Variants in SLC10A6 observed in about 807,000 individuals in gnomAD.
The protein encoded by SLC10A6 is solute carrier family 10 member 6, also known as sodium-dependent organic anion transporter.
SLC10A6 carries 27 observed loss-of-function variants against 30.0 expected under a neutral mutation model. The observed-to-expected ratio is 0.90, with a 90% CI of 0.66 to 1.24. The LOEUF (loss-of-function observed/expected upper bound fraction) is 1.24. Among genes scored for constraint, SLC10A6 ranks in the 50% most tolerant of loss-of-function variants. The probability of loss-of-function intolerance (pLI) is 0.00; values close to 1 mark genes in which losing one functional copy is unlikely to be tolerated. For missense variants in SLC10A6, 439 were observed against 457.0 expected, an observed-to-expected ratio of 0.96 and a Z score of 0.36; for synonymous variants, 166 against 173.8, an observed-to-expected ratio of 0.95 and a Z score of 0.36.
intron 1 of SLC10A6, among the ~76,000 whole-genome samples, chr4:86,838,709 G>C (rs917555080): frequency 6.6e-5 from 10 of 152,024 alleles, no homozygotes; most frequent in Non-Finnish European, 7.4e-5. Context: ...GATTACCTGA[G>C]GTCAGGAGTT....
intron 1 of SLC10A6, among the ~76,000 whole-genome samples, chr4:86,847,794 T>C (rs1304652457): frequency 1.3e-5 from 2 of 152,214 alleles, no homozygotes; most frequent in African/African-American, 4.8e-5. Flanking sequence ...GAATCTCAAC[T>C]AAATGACATA....
rs1746322792 is a variant in SLC10A6, at chr4:86,842,847, T to TTTCTTTCG, written c.377+5891_377+5892insCGAAAGAA. On this transcript the variant is annotated intron_variant, in intron 1 of 5. Coordinates refer to ENST00000273905, the MANE Select transcript of SLC10A6 (RefSeq NM_197965.3). ...CTTTCTTTCTTTCTTTCTTTCTTTC[T>TTTCTTTCG]TTCTTTCTTTCTTTCTTTCTTTCTT... Among the ~76,000 whole-genome samples, 15 of 53,816 alleles carry TTTCTTTCG rather than the reference T, an allele frequency of 2.8e-4. 3 individuals carry two copies. The highest frequency in any genetic ancestry group is 5.1e-4 in the Non-Finnish European group (15 of 29,600). The allele number at this position is 53,816 out of a possible 152,430, so 35.3% of individuals were successfully genotyped here.
chr4:86,837,296 AGG>A (rs1327913527), intron 1 of SLC10A6, among the ~76,000 whole-genome samples: 82 of 101,608 alleles, frequency 8.1e-4, no homozygotes, highest in African/African-American at 2.2e-3. Flanking sequence ...AAAGAAAGGA[AGG>A]AAGGAAGGAA....
chr4:86,845,458 A>C (rs1404213390), intron 1 of SLC10A6, among the ~76,000 whole-genome samples: 1 of 152,180 alleles, frequency 6.6e-6, no homozygotes, highest in Non-Finnish European at 1.5e-5. Context: ...AAGCCTTTGT[A>C]TGTATAACAT....
intron 4 of SLC10A6, among the ~76,000 whole-genome samples, chr4:86,827,025 C>T (rs1188805208): frequency 1.3e-5 from 2 of 152,124 alleles, no homozygotes; most frequent in Non-Finnish European, 2.9e-5. Flanking sequence ...TCAAACCACC[C>T]TCACTTCTTT....
chr4:86,837,281 A>AAGAAAGGG (rs34533020), intron 1 of SLC10A6, among the ~76,000 whole-genome samples: 1 of 90,378 alleles, frequency 1.1e-5, no homozygotes, highest in African/African-American at 5.1e-5. Flanking sequence ...GAAAGAAAGA[A>AAGAAAGGG]AGAAAAAGAA....
At position 86,833,352 on chromosome 4, in the gene SLC10A6, C is replaced by T. The variant is rs754384648; in HGVS notation, c.450G>A (p.Trp150Ter). ...MMPLCIYLYT[W>*]SWSLQQNLTI... is the part of the protein sequence containing the mutation. Reference sequence around the variant, plus strand: ...TGAGATTCTGCTGAAGACTCCAGGACCAGGTGTAGAGATAAATGCAGAGTG... The same window carrying T: ...TGAGATTCTGCTGAAGACTCCAGGATCAGGTGTAGAGATAAATGCAGAGTG... Residue 150 changes from tryptophan to a stop codon, truncating the protein, a stop_gained, in exon 2 of 6, where the codon TGG (tryptophan) becomes TGA (stop). Coordinates refer to ENST00000273905, the MANE Select transcript of SLC10A6 (RefSeq NM_197965.3). LOFTEE classifies it high-confidence loss of function. 1 of 1,614,046 alleles carries T rather than the reference C, an allele frequency of 6.2e-7. No homozygotes were observed. The highest frequency in any genetic ancestry group is 8.5e-7 in the Non-Finnish European group (1 of 1,179,984).
intron 1 of SLC10A6, among the ~76,000 whole-genome samples, chr4:86,839,154 G>A (rs189210407): frequency 6.6e-6 from 1 of 150,786 alleles, no homozygotes. Context: ...AAAGGAATCA[G>A]ACCAGGTGCA....
At position 86,823,818 on chromosome 4, in the gene SLC10A6, G is replaced by A. The variant is rs774673736; in HGVS notation, c.1004C>T (p.Ser335Leu). The A allele has an allele frequency of 9.0e-5, 145 of 1,614,024 alleles. No homozygotes were observed. Among genetic ancestry groups the A allele is most frequent in the Non-Finnish European group, 1.2e-4 (138 of 1,180,002 alleles). ...GCTEVCHTRK[S>L]TSSRETNAFL... is the part of the protein sequence containing the mutation. ...GGCATTGGTCTCTCTGGAAGAAGTC[G>A]ATTTCCTCGTATGGCAGACTTCTGT... Residue 335 changes from serine (S) to leucine (L), a missense_variant, in exon 6 of 6, where the codon TCG becomes TTG. Ser to Leu is a moderately radical substitution (Grantham distance 145, BLOSUM62 -2). Transcript: ENST00000273905.
chr4:86,837,228 A>G (rs935837045), intron 1 of SLC10A6, among the ~76,000 whole-genome samples: 8 of 63,418 alleles, frequency 1.3e-4, no homozygotes, highest in Non-Finnish European at 2.0e-4. Context: ...AGAGAGAGAG[A>G]AAGAAAGAAA....
chr4:86,824,547 A>G (rs1472600488), intron 5 of SLC10A6, among the ~76,000 whole-genome samples: 1 of 152,038 alleles, frequency 6.6e-6, no homozygotes, highest in Non-Finnish European at 1.5e-5. Flanking sequence ...GCCCAAGATT[A>G]AAATATATAT....
intron 3 of SLC10A6, 107 bp downstream of exon 3, chr4:86,831,685 G>A: frequency 1.2e-6 from 1 of 853,238 alleles, no homozygotes; most frequent in Non-Finnish European, 1.9e-6. Flanking sequence ...GAATTTCTGG[G>A]TGTGGGGCCG....
chr4:86,847,163 G>A lies in SLC10A6; in HGVS notation c.377+1576C>T, dbSNP rs62305605. Among the ~76,000 whole-genome samples, 1,117 of 152,258 alleles carry A rather than the reference G, an allele frequency of 7.3e-3. 8 individuals carry two copies. The highest frequency in any genetic ancestry group is 0.014 in the Middle Eastern group (4 of 294). ...AATCTGAGTTCTGCCATACTGGTTT[G>A]TAGCATTTGGCAAGCTACTTAACCA... is the stretch of plus-strand genomic sequence containing the variant. On this transcript the variant is annotated intron_variant, in intron 1 of 5. Coordinates refer to ENST00000273905, the MANE Select transcript of SLC10A6 (RefSeq NM_197965.3).
At chr4:86,833,180 T>A in intron 2 of SLC10A6, 126 bp downstream of exon 2, 1 of 679,438 alleles carries the variant, frequency 1.5e-6, no homozygotes, top group Non-Finnish European at 2.5e-6. Context: ...ACTGTAGGGT[T>A]CTTTAAGGGA....
In SLC10A6 at chr4:86,848,863, G is replaced by A. The variant is rs1300774520; in HGVS notation, c.253C>T (p.Leu85Phe). 2 of 1,614,106 alleles carry A rather than the reference G, an allele frequency of 1.2e-6. No homozygotes were observed. Among genetic ancestry groups the A allele is most frequent in the Non-Finnish European group, 1.7e-6 (2 of 1,180,050 alleles). ...QFGLMPFTAY[L>F]LAISFSLKPV... ...TTCAGAGAAAAGCTAATGGCCAGGA[G>A]ATAAGCTGTAAAAGGCATGAGCCCA... The change falls in exon 1 of 6, where the codon CTC becomes TTC. Residue 85 changes from leucine (L) to phenylalanine (F), a missense_variant. Physicochemically the swap from Leu to Phe is conservative, Grantham distance 22 (BLOSUM62 0). Coordinates refer to ENST00000273905, the MANE Select transcript of SLC10A6 (RefSeq NM_197965.3).
At chr4:86,836,267 T>C (rs1222537465) in intron 1 of SLC10A6, among the ~76,000 whole-genome samples, 1 of 152,212 alleles carries the variant, frequency 6.6e-6, no homozygotes, top group East Asian at 1.9e-4. Context: ...TTTAAGTACA[T>C]AATGTCTGTG....
At chr4:86,842,535 A>AG (rs1268031350) in intron 1 of SLC10A6, among the ~76,000 whole-genome samples, 1 of 152,138 alleles carries the variant, frequency 6.6e-6, no homozygotes, top group South Asian at 2.1e-4. Context: ...GTAATAAAAA[A>AG]TAAAAAATTA....
intron 1 of SLC10A6, among the ~76,000 whole-genome samples, chr4:86,839,916 ATT>A (rs1056512639): frequency 1.6e-5 from 2 of 123,096 alleles, no homozygotes; most frequent in Admixed American, 8.1e-5. Flanking sequence ...TTTTTTTTTT[ATT>A]TTTTTTTTTT....
intron 1 of SLC10A6, among the ~76,000 whole-genome samples, chr4:86,848,023 T>C (rs1234095931): frequency 6.6e-6 from 1 of 152,126 alleles, no homozygotes; most frequent in Non-Finnish European, 1.5e-5. Context: ...AAAGTGTAAA[T>C]AAGGGACAAG....
Sources: allele counts gnomAD v4.1 joint callset (sites outside exome capture counted in the v4.1 genomes callset), GRCh38; gene constraint gnomAD v4.1.1; transcripts MANE v1.5; gene names NCBI Gene and HGNC (gene_info 2026-07-23, HGNC 2026-07-21).